The following TMEM163 variants were observed in gnomAD, a reference collection of about 807,000 sequenced individuals.
TMEM163 encodes the protein transmembrane protein 163.
In TMEM163, 17 loss-of-function variants were observed where a neutral mutation model predicts 29.3. The ratio of observed to expected loss-of-function variants is 0.58; its 90% CI spans 0.40 to 0.87. The LOEUF is 0.87. Among genes scored for constraint, TMEM163 ranks in the 40% least tolerant of loss-of-function variants. The probability of loss-of-function intolerance (pLI) is 0.00; values close to 1 mark genes in which losing one functional copy is unlikely to be tolerated. For missense variants in TMEM163, 303 were observed against 381.5 expected (o/e 0.79, Z 1.71); for synonymous variants, 157 against 160.6 (o/e 0.98, Z 0.17).
chr2:134,631,826 A>G (rs1682976591), intron 2 of TMEM163, among the ~76,000 whole-genome samples: 1 of 152,280 alleles, frequency 6.6e-6, no homozygotes, highest in Non-Finnish European at 1.5e-5. Context: ...ATGGCCAACC[A>G]TATGACTTTT....
At chr2:134,559,252 G>C (rs964620551) in intron 2 of TMEM163, among the ~76,000 whole-genome samples, 2 of 152,054 alleles carry the variant, frequency 1.3e-5, no homozygotes, top group Non-Finnish European at 2.9e-5. Context: ...TGGCCCCTGT[G>C]GCATCTAGTT....
rs533196618 is a variant in TMEM163, at chr2:134,650,998, A to G, written c.322+62202T>C. ...TTGCTATTGTGAATAATGCCGCAAT[A>G]AACATACGTGTGCATGTGTCTTTAT... is the stretch of plus-strand genomic sequence containing the variant. On this transcript the variant is annotated intron_variant, in intron 2 of 7. Transcript: ENST00000281924. Among the ~76,000 whole-genome samples, 207 of 101,986 alleles carry G rather than the reference A, an allele frequency of 2.0e-3. 8 individuals are homozygous for G. The highest frequency in any genetic ancestry group is 2.9e-3 in the South Asian group (8 of 2,768). The allele number at this position is 101,986 out of a possible 152,430, so 66.9% of individuals were successfully genotyped here. A position where few individuals can be genotyped will look rare whatever the true frequency, so the allele number is the denominator to read the frequency against.
At chr2:134,602,230 C>T (rs569228697) in intron 2 of TMEM163, among the ~76,000 whole-genome samples, 1 of 152,264 alleles carries the variant, frequency 6.6e-6, no homozygotes, top group South Asian at 2.1e-4. Context: ...ATTAGATGTG[C>T]ACCAATTCCA....
intron 2 of TMEM163, among the ~76,000 whole-genome samples, chr2:134,706,726 C>A (rs1684821289): frequency 6.6e-6 from 1 of 152,090 alleles, no homozygotes; most frequent in Non-Finnish European, 1.5e-5. Flanking sequence ...CCTGTAGGGC[C>A]CACAAGGAGC....
intron 2 of TMEM163, among the ~76,000 whole-genome samples, chr2:134,681,976 C>G (rs1318307572): frequency 6.6e-6 from 1 of 152,188 alleles, no homozygotes; most frequent in Non-Finnish European, 1.5e-5. Context: ...AATCTTACTA[C>G]AGCAAACACG....
intron 2 of TMEM163, among the ~76,000 whole-genome samples, chr2:134,634,202 A>G (rs1440935626): frequency 6.6e-6 from 1 of 151,890 alleles, no homozygotes; most frequent in East Asian, 1.9e-4. Context: ...CCTCAAAGCT[A>G]GGCTTGGTTT....
chr2:134,522,820 A>T (rs536643587), intron 4 of TMEM163, among the ~76,000 whole-genome samples: 1 of 152,344 alleles, frequency 6.6e-6, no homozygotes, highest in African/African-American at 2.4e-5. Context: ...CTGCCCAATG[A>T]TCTTGAATTA....
chr2:134,658,409 G>A (rs140858171), intron 2 of TMEM163, among the ~76,000 whole-genome samples: 7 of 152,182 alleles, frequency 4.6e-5, no homozygotes, highest in South Asian at 4.1e-4. Context: ...GTAGAAAGGC[G>A]GTCAATGTAT....
At chr2:134,627,845 G>A (rs533220239) in intron 2 of TMEM163, among the ~76,000 whole-genome samples, 2 of 152,216 alleles carry the variant, frequency 1.3e-5, no homozygotes, top group African/African-American at 4.8e-5. Context: ...GAAACCAATT[G>A]TCCCAATACT....
At chr2:134,609,120 G>T in intron 2 of TMEM163, among the ~76,000 whole-genome samples, 1 of 34,800 alleles carries the variant, frequency 2.9e-5, no homozygotes, top group Non-Finnish European at 6.6e-5. Context: ...CTGTGCTGGT[G>T]AAAAGGACAG....
intron 2 of TMEM163, among the ~76,000 whole-genome samples, chr2:134,629,320 T>C (rs906669050): frequency 2.0e-5 from 3 of 152,206 alleles, no homozygotes; most frequent in Admixed American, 1.3e-4. Flanking sequence ...ATTTGTAATA[T>C]ACCTCAAAAA....
intron 4 of TMEM163, among the ~76,000 whole-genome samples, chr2:134,505,261 T>A (rs936589452): frequency 7.9e-5 from 11 of 139,594 alleles, no homozygotes; most frequent in African/African-American, 2.8e-4. Context: ...TTTTTTTTTT[T>A]AAAGTTTCCT....
intron 2 of TMEM163, among the ~76,000 whole-genome samples, chr2:134,636,808 A>C (rs1285313438): frequency 1.3e-5 from 2 of 152,194 alleles, no homozygotes; most frequent in Non-Finnish European, 2.9e-5. Context: ...TATTTTGCAG[A>C]TTCTGCACTT....
At chr2:134,571,019 A>G (rs1681409917) in intron 2 of TMEM163, among the ~76,000 whole-genome samples, 1 of 152,174 alleles carries the variant, frequency 6.6e-6, no homozygotes, top group Admixed American at 6.5e-5. Context: ...GCTACCACAT[A>G]CATATGTCTC....
intron 2 of TMEM163, among the ~76,000 whole-genome samples, chr2:134,562,643 T>C (rs1416563435): frequency 6.6e-6 from 1 of 152,180 alleles, no homozygotes; most frequent in African/African-American, 2.4e-5. Flanking sequence ...GTCCAGAGAT[T>C]TGGCTTAAAG....
rs570153078 is a variant in TMEM163 at position 134,713,783 on chromosome 2, G to A, written c.203-464C>T. ...CAGCACAGTCCCAACTGGTGGACTG[G>A]GTTTTGCCCAAAGCAAGGAGTCAGT... On this transcript the variant is annotated intron_variant, in intron 1 of 7. Transcript: ENST00000281924. 2.6e-5 allele frequency among the ~76,000 whole-genome samples: 4 copies of A among 152,234 alleles called. No homozygotes were observed. In the South Asian group the frequency reaches 8.3e-4, roughly 32 times the overall value.
rs201093262 is a variant in TMEM163, at chr2:134,650,503, CTTTT to C, written c.322+62693_322+62696del. Among the ~76,000 whole-genome samples, 73 of 113,822 alleles carry C rather than the reference CTTTT, an allele frequency of 6.4e-4. 2 individuals carry two copies. Among genetic ancestry groups the C allele is most frequent in the Non-Finnish European group, 8.9e-4 (48 of 54,224 alleles). The allele number at this position is 113,822 out of a possible 152,430, so 74.7% of individuals were successfully genotyped here. A position where few individuals can be genotyped will look rare whatever the true frequency, so the allele number is the denominator to read the frequency against. On this transcript the variant is annotated intron_variant, in intron 2 of 7. Coordinates refer to ENST00000281924, the MANE Select transcript of TMEM163 (RefSeq NM_030923.5). ...TCTCCTATTTGGATGCCTTCTATTT[CTTTT>C]TTTTGTTTGTTTGTTTGTTTGTTTG...
intron 2 of TMEM163, among the ~76,000 whole-genome samples, chr2:134,667,009 GC>G (rs1421765052): frequency 6.6e-6 from 1 of 152,118 alleles, no homozygotes; most frequent in Non-Finnish European, 1.5e-5. Flanking sequence ...CAGTGGATGA[GC>G]CCCACTAGAA....
intron 2 of TMEM163, among the ~76,000 whole-genome samples, chr2:134,660,167 C>A (rs544629901): frequency 2.2e-4 from 34 of 152,044 alleles, no homozygotes; most frequent in Non-Finnish European, 3.7e-4. Flanking sequence ...CATTCAGCAC[C>A]CAGATGCCAT....
Sources: allele counts gnomAD v4.1 joint callset (sites outside exome capture counted in the v4.1 genomes callset), GRCh38; gene constraint gnomAD v4.1.1; transcripts MANE v1.5; gene names NCBI Gene and HGNC (gene_info 2026-07-23, HGNC 2026-07-21).